Variants in CTNND2 observed in about 807,000 individuals in gnomAD.
CTNND2 encodes catenin delta-2.
In CTNND2, 22 loss-of-function variants were observed where a neutral mutation model predicts 144.4. That is an observed-to-expected ratio of 0.15 (90% confidence interval 0.11 to 0.22). The LOEUF is 0.22. Ranked by LOEUF, CTNND2 falls within the 10% of genes least tolerant of loss-of-function variation. The pLI is 1.00. For missense variants in CTNND2, 1,353 were observed against 1,618.8 expected (o/e 0.84, Z 2.82); for synonymous variants, 751 against 695.6 (o/e 1.08, Z -1.25).
At chr5:11,299,932 C>T (rs999196606) in intron 9 of CTNND2, among the ~76,000 whole-genome samples, 3 of 150,722 alleles carry the variant, frequency 2.0e-5, no homozygotes, top group Non-Finnish European at 3.0e-5. Flanking sequence ...TGTAGAAACA[C>T]GGCCACTTAT....
intron 3 of CTNND2, among the ~76,000 whole-genome samples, chr5:11,416,353 C>G (rs1036654671): frequency 6.6e-6 from 1 of 152,210 alleles, no homozygotes; most frequent in Non-Finnish European, 1.5e-5. Flanking sequence ...TTCCAAAGCA[C>G]AGGCAACTTC....
intron 2 of CTNND2, among the ~76,000 whole-genome samples, chr5:11,671,144 C>T (rs190639065): frequency 1.6e-4 from 24 of 152,276 alleles, no homozygotes; most frequent in Admixed American, 7.9e-4. Context: ...CTGAGAGATC[C>T]GCTGTTAGTC....
intron 1 of CTNND2, among the ~76,000 whole-genome samples, chr5:11,787,261 G>C (rs904459819): frequency 8.5e-5 from 13 of 152,194 alleles, no homozygotes; most frequent in Non-Finnish European, 1.3e-4. Flanking sequence ...TGCACAACTA[G>C]TTTGGACAGT....
chr5:11,709,312 C>A (rs1028197534), intron 2 of CTNND2, among the ~76,000 whole-genome samples: 5 of 152,150 alleles, frequency 3.3e-5, no homozygotes, highest in Non-Finnish European at 7.3e-5. Flanking sequence ...AGCTGCTATT[C>A]TTTAGGAACA....
chr5:11,692,037 A>C (rs2126650803), intron 2 of CTNND2, among the ~76,000 whole-genome samples: 1 of 152,342 alleles, frequency 6.6e-6, no homozygotes, highest in Admixed American at 6.5e-5. Context: ...CAAAAACTGT[A>C]TGATTGAAAC....
intron 1 of CTNND2, among the ~76,000 whole-genome samples, chr5:11,820,380 C>T (rs1369715423): frequency 2.0e-5 from 3 of 151,978 alleles, no homozygotes; most frequent in Admixed American, 6.6e-5. Context: ...AGAATGGTGC[C>T]GGGGAACACG....
chr5:11,514,890 G>T (rs533790812), intron 3 of CTNND2, among the ~76,000 whole-genome samples: 13 of 152,226 alleles, frequency 8.5e-5, no homozygotes, highest in African/African-American at 2.4e-4. Context: ...GCAACTTCCA[G>T]CTCCCAGGTT....
At chr5:11,563,310 C>T (rs1196277053) in intron 3 of CTNND2, among the ~76,000 whole-genome samples, 1 of 152,154 alleles carries the variant, frequency 6.6e-6, no homozygotes, top group Non-Finnish European at 1.5e-5. Context: ...AAAGCCAACT[C>T]GACATCAAGT....
intron 3 of CTNND2, among the ~76,000 whole-genome samples, chr5:11,498,982 A>C (rs1770265088): frequency 6.6e-6 from 1 of 152,192 alleles, no homozygotes; most frequent in Non-Finnish European, 1.5e-5. Flanking sequence ...GAACACATTA[A>C]AATGCAGACT....
chr5:11,432,626 T>A (rs184461084), intron 3 of CTNND2, among the ~76,000 whole-genome samples: 1 of 152,190 alleles, frequency 6.6e-6, no homozygotes, highest in Admixed American at 6.5e-5. Context: ...AACTAAACAG[T>A]GATATTTGAG....
Position 11,382,595 on chromosome 5 carries a change from C to CTGTGTATATATGTG in CTNND2, c.1177+2069_1177+2070insCACATATATACACA, listed in dbSNP as rs755324887. On this transcript the variant is annotated intron_variant, in intron 7 of 21. Transcript: ENST00000304623. ...CCTGGGCAACCGACAGAGTGAGACT[C>CTGTGTATATATGTG]TGTGTGTGTGTGTGTGTGTGTGTGT... Among the ~76,000 whole-genome samples, 8 of 130,234 alleles carry CTGTGTATATATGTG rather than the reference C, an allele frequency of 6.1e-5. No homozygotes were observed. The East Asian group carries it at 1.3e-3, about 21-fold the overall frequency. The allele number at this position is 130,234 out of a possible 152,430, so 85.4% of individuals were successfully genotyped here.
intron 9 of CTNND2, among the ~76,000 whole-genome samples, chr5:11,345,034 A>C (rs1262468748): frequency 6.6e-6 from 1 of 152,204 alleles, no homozygotes; most frequent in Non-Finnish European, 1.5e-5. Context: ...AACAATGTCA[A>C]ATCACATATT....
intron 12 of CTNND2, among the ~76,000 whole-genome samples, chr5:11,138,632 C>T (rs1171506376): frequency 1.3e-5 from 2 of 152,132 alleles, no homozygotes; most frequent in Non-Finnish European, 2.9e-5. Context: ...GGTGTGAGTT[C>T]GGCTCAATAT....
intron 10 of CTNND2, among the ~76,000 whole-genome samples, chr5:11,231,061 C>T (rs966197033): frequency 2.0e-5 from 3 of 152,068 alleles, no homozygotes; most frequent in African/African-American, 7.2e-5. Context: ...TGGTTTCCTC[C>T]ATGGTGTTCT....
intron 21 of CTNND2, among the ~76,000 whole-genome samples, chr5:10,980,263 A>G (rs1737061966): frequency 6.6e-6 from 1 of 152,216 alleles, no homozygotes; most frequent in Admixed American, 6.5e-5. Context: ...TTCTCAAAAG[A>G]AGACTTTTAT....
intron 9 of CTNND2, among the ~76,000 whole-genome samples, chr5:11,239,823 C>G (rs1328455618): frequency 6.6e-6 from 1 of 152,164 alleles, no homozygotes; most frequent in African/African-American, 2.4e-5. Context: ...CAACTCCTAC[C>G]CACGCAATGC....
intron 9 of CTNND2, among the ~76,000 whole-genome samples, chr5:11,303,815 T>C (rs762750287): frequency 3.3e-5 from 5 of 152,238 alleles, no homozygotes; most frequent in Admixed American, 6.5e-5. Context: ...GGTTTGGCTG[T>C]GTCCCCACCC....
At chr5:11,609,072 G>A (rs1780197257) in intron 2 of CTNND2, among the ~76,000 whole-genome samples, 2 of 152,114 alleles carry the variant, frequency 1.3e-5, no homozygotes, top group Non-Finnish European at 2.9e-5. Context: ...CACAGGTGTC[G>A]CTCATCAGAG....
rs370838742 is a variant in CTNND2 at position 11,782,457 on chromosome 5, G to A, written c.38-50185C>T. Among the ~76,000 whole-genome samples the A allele has an allele frequency of 5.3e-5, 8 of 152,188 alleles. No homozygotes were observed. In the East Asian group the frequency reaches 5.8e-4, roughly 11 times the overall value. On this transcript the variant is annotated intron_variant, in intron 1 of 21. Coordinates refer to ENST00000304623, the MANE Select transcript of CTNND2 (RefSeq NM_001332.4). Reference sequence around the variant, plus strand: ...AGATATCTGAATGCACACTCATGAGGGCAATAAAGGTCTGAGAAAAGGACC... The same window carrying A: ...AGATATCTGAATGCACACTCATGAGAGCAATAAAGGTCTGAGAAAAGGACC...
Sources: allele counts gnomAD v4.1 joint callset (sites outside exome capture counted in the v4.1 genomes callset), GRCh38; gene constraint gnomAD v4.1.1; transcripts MANE v1.5; gene names NCBI Gene and HGNC (gene_info 2026-07-23, HGNC 2026-07-21).